The following KIAA1217 variants were observed in gnomAD, a reference collection of about 807,000 sequenced individuals.
The protein encoded by KIAA1217 is KIAA1217, also known as sickle tail protein homolog.
KIAA1217 carries 88 observed loss-of-function variants against 163.9 expected under a neutral mutation model. The ratio of observed to expected loss-of-function variants is 0.54; its 90% confidence interval spans 0.45 to 0.64. KIAA1217 has a LOEUF of 0.64. KIAA1217 is among the 30% of genes least tolerant of loss of function. The pLI is 0.00. For synonymous variants in KIAA1217, 903 were observed against 923.1 expected, an observed-to-expected ratio of 0.98 and a Z score of 0.39; for missense variants, 2,372 against 2,475.0, an observed-to-expected ratio of 0.96 and a Z score of 0.88.
chr10:24,336,949 A>G (rs1235782705), intron 2 of KIAA1217, among the ~76,000 whole-genome samples: 3 of 152,236 alleles, frequency 2.0e-5, no homozygotes, highest in Non-Finnish European at 4.4e-5. Context: ...AGCTAAAACT[A>G]TAAAATGCTT....
rs772591670 is a variant in KIAA1217 at position 24,473,922 on chromosome 10, A to G, written c.1541A>G (p.Glu514Gly). The G allele has an allele frequency of 1.9e-6, 3 of 1,614,162 alleles. No homozygotes were observed. Among genetic ancestry groups the G allele is most frequent in the Non-Finnish European group, 2.5e-6 (3 of 1,180,042 alleles). Residue 514 changes from glutamate to glycine, a missense_variant, in exon 6 of 21, where the codon GAG (glutamate) becomes GGG (glycine). Around this residue, in one of 3 missense-constraint regions of KIAA1217, gnomAD observed 1,431 missense variants for 1,470.3 expected, o/e 0.97. Transcript: ENST00000376454. ...ASPSRQAFKK[E>G]PGTLVYIEKP... ...CCGAGCCGCCAGGCCTTTAAAAAGG[A>G]GCCAGGCACCTTGGTGTATATAGAA...
intron 10 of KIAA1217, among the ~76,000 whole-genome samples, chr10:24,515,232 TA>T (rs2069896056): frequency 6.6e-6 from 1 of 151,768 alleles, no homozygotes; most frequent in Non-Finnish European, 1.5e-5. Flanking sequence ...GATGCCCAGC[TA>T]ATTTTTGTAT....
chr10:23,719,023 C>A (rs1466490802), intron 1 of KIAA1217, among the ~76,000 whole-genome samples: 1 of 152,118 alleles, frequency 6.6e-6, no homozygotes, highest in Admixed American at 6.6e-5. Flanking sequence ...ATGGTATTAC[C>A]ATATGACCCT....
intron 2 of KIAA1217, among the ~76,000 whole-genome samples, chr10:24,341,587 G>A (rs1401217394): frequency 3.3e-5 from 5 of 152,136 alleles, no homozygotes; most frequent in African/African-American, 4.8e-5. Context: ...TCAGGGAAAC[G>A]AAGTGTATTT....
chr10:23,847,361 G>A (rs73604425), intron 1 of KIAA1217, among the ~76,000 whole-genome samples: 7,375 of 151,960 alleles, frequency 0.049, 552 homozygotes, highest in African/African-American at 0.16. Flanking sequence ...ATTCGGTCTC[G>A]TCCTAGACTT....
chr10:23,709,316 G>T (rs1173159852), intron 1 of KIAA1217, among the ~76,000 whole-genome samples: 1 of 152,086 alleles, frequency 6.6e-6, no homozygotes, highest in East Asian at 1.9e-4. Flanking sequence ...TTGAGTCTAG[G>T]TGTTTAAGAC....
chr10:24,173,777 T>A (rs2131922740), intron 2 of KIAA1217, among the ~76,000 whole-genome samples: 1 of 152,334 alleles, frequency 6.6e-6, no homozygotes, highest in East Asian at 1.9e-4. Flanking sequence ...ATCAACTACC[T>A]TTTTAATAAG....
intron 1 of KIAA1217, among the ~76,000 whole-genome samples, chr10:23,987,647 TAAG>T (rs1447508007): frequency 6.6e-6 from 1 of 151,524 alleles, no homozygotes; most frequent in East Asian, 1.9e-4. Flanking sequence ...GTGTGTGTGG[TAAG>T]AATCCTTAAA....
chr10:23,911,542 T>C (rs894968073), intron 1 of KIAA1217, among the ~76,000 whole-genome samples: 5 of 152,204 alleles, frequency 3.3e-5, no homozygotes, highest in Admixed American at 2.6e-4. Flanking sequence ...GTTGATAGCA[T>C]TTTTGTTTCT....
intron 3 of KIAA1217, among the ~76,000 whole-genome samples, chr10:24,423,763 T>C (rs1415497086): frequency 6.6e-6 from 1 of 152,196 alleles, no homozygotes; most frequent in Non-Finnish European, 1.5e-5. Flanking sequence ...CTCAAATTCC[T>C]AACCTCAAGT....
chr10:23,898,222 C>T (rs1485370754), intron 1 of KIAA1217, among the ~76,000 whole-genome samples: 1 of 151,980 alleles, frequency 6.6e-6, no homozygotes, highest in African/African-American at 2.4e-5. Context: ...CTGTATACTC[C>T]ATCATATTGA....
chr10:24,538,736 T>G lies in KIAA1217; in HGVS notation c.3534+1843T>G, dbSNP rs1257229123. 2.2e-5 allele frequency among the ~76,000 whole-genome samples: 3 copies of G among 133,622 alleles called. No homozygotes were observed. The East Asian group carries it at 6.1e-4, about 27-fold the overall frequency. 87.7% of individuals were successfully genotyped at this position (133,622 alleles called of 152,430 possible). On this transcript the variant is annotated intron_variant, in intron 17 of 20. Coordinates refer to ENST00000376454, the MANE Select transcript of KIAA1217 (RefSeq NM_019590.5). ...TATTGATTTTTATTGTTTTTGGTTT[T>G]TTTTTTTTTTTTTTGTGAGACCGAG...
intron 2 of KIAA1217, among the ~76,000 whole-genome samples, chr10:24,234,060 T>C (rs767214576): frequency 5.3e-5 from 8 of 152,006 alleles, no homozygotes; most frequent in Non-Finnish European, 1.2e-4. Context: ...ATCTGTCAGG[T>C]ATGCCTTATC....
chr10:23,934,597 A>G lies in KIAA1217; in HGVS notation c.-320-72628A>G, dbSNP rs1179977564. Among the ~76,000 whole-genome samples, 217 of 82,092 alleles carry G rather than the reference A, an allele frequency of 2.6e-3. 19 individuals carry two copies. The highest frequency in any genetic ancestry group is 0.021 in the African/African-American group (171 of 7,988). 53.9% of individuals were successfully genotyped at this position (82,092 alleles called of 152,430 possible). ...TATATATATATATATATATGTATATATATATATATGTATATATATATATAT... is the reference window on the plus strand; with the variant it reads ...TATATATATATATATATATGTATATGTATATATATGTATATATATATATAT... On this transcript the variant is annotated intron_variant, in intron 1 of 18. Transcript: ENST00000376462.
chr10:23,838,463 G>GT lies in KIAA1217; in HGVS notation c.-321+143239dup, dbSNP rs11321299. On this transcript the variant is annotated intron_variant, in intron 1 of 18. Coordinates refer to the KIAA1217 transcript ENST00000376462. ...ATGTTTATTGACAACTTGTTTTCCTGTTTTTTTTTTCTTTTTTTGTGGAGT... is the reference window on the plus strand; with the variant it reads ...ATGTTTATTGACAACTTGTTTTCCTGTTTTTTTTTTTCTTTTTTTGTGGAGT... 5.4e-3 allele frequency among the ~76,000 whole-genome samples: 807 copies of GT among 149,208 alleles called. 6 individuals carry two copies. Among genetic ancestry groups the GT allele is most frequent in the African/African-American group, 0.014 (569 of 40,904 alleles).
intron 1 of KIAA1217, among the ~76,000 whole-genome samples, chr10:23,828,548 T>C (rs1001810383): frequency 9.2e-5 from 14 of 152,212 alleles, no homozygotes; most frequent in African/African-American, 2.4e-4. Flanking sequence ...TCTAACCACT[T>C]ATAACTTTTT....
intron 2 of KIAA1217, among the ~76,000 whole-genome samples, chr10:24,050,133 G>A (rs574957148): frequency 7.2e-5 from 11 of 152,212 alleles, no homozygotes; most frequent in East Asian, 3.9e-4. Flanking sequence ...CATATCCTTC[G>A]CCCACTTTTT....
intron 2 of KIAA1217, among the ~76,000 whole-genome samples, chr10:24,371,944 T>C (rs2051707183): frequency 2.0e-5 from 3 of 152,264 alleles, no homozygotes; most frequent in African/African-American, 7.2e-5. Context: ...AGCAATCTAA[T>C]GCAGAACAGA....
intron 1 of KIAA1217, among the ~76,000 whole-genome samples, chr10:23,849,110 G>T (rs2131089946): frequency 6.6e-6 from 1 of 152,150 alleles, no homozygotes. Flanking sequence ...TACTGTTGTT[G>T]ATACAATTCT....
Sources: gnomAD v4.1 joint callset for allele counts (sites outside exome capture counted in the v4.1 genomes callset) on GRCh38, gnomAD v4.1.1 for gene constraint, gnomAD v4.1.1 regional missense constraint, MANE v1.5 for transcripts, NCBI Gene and HGNC (gene_info 2026-07-23, HGNC 2026-07-21) for gene names.